The following CC2D2A variants were observed in gnomAD, a reference collection of about 807,000 sequenced individuals.
The protein encoded by CC2D2A is coiled-coil and C2 domain-containing protein 2A.
A neutral mutation model predicts 212.9 loss-of-function variants in CC2D2A; 155 were observed. The observed-to-expected ratio is 0.73, with a 90% confidence interval of 0.64 to 0.83. The LOEUF is 0.83. CC2D2A is among the 40% of genes least tolerant of loss of function. The pLI is 0.00. For missense variants in CC2D2A, 1,856 were observed against 1,956.2 expected (o/e 0.95, Z 0.97); for synonymous variants, 667 against 686.5 (o/e 0.97, Z 0.44).
At chr4:15,487,858 T>G (rs1715089467) in intron 4 of CC2D2A, among the ~76,000 whole-genome samples, 1 of 151,572 alleles carries the variant, frequency 6.6e-6, no homozygotes, top group Admixed American at 6.6e-5. Context: ...AAATAACATC[T>G]TATAACCAGT....
chr4:15,523,709 C>T (rs1229578308), intron 11 of CC2D2A, among the ~76,000 whole-genome samples: 2 of 152,190 alleles, frequency 1.3e-5, no homozygotes, highest in East Asian at 1.9e-4. Flanking sequence ...GGATTTGATG[C>T]CGGCAGGCCT....
At chr4:15,579,921 C>T in intron 29 of CC2D2A, 47 bp from the exon 30 acceptor site, 1 of 1,474,056 alleles carries the variant, frequency 6.8e-7, no homozygotes, top group South Asian at 1.1e-5. Flanking sequence ...CACGTACTTT[C>T]TCTCTTGTAA....
intron 11 of CC2D2A, among the ~76,000 whole-genome samples, chr4:15,524,658 A>G (rs1055555674): frequency 6.2e-5 from 9 of 144,460 alleles, no homozygotes; most frequent in South Asian, 2.2e-4. Flanking sequence ...TCACCGTGTT[A>G]GCCAGGATGG....
At chr4:15,500,936 C>G (rs1045976779) in intron 4 of CC2D2A, among the ~76,000 whole-genome samples, 1 of 152,132 alleles carries the variant, frequency 6.6e-6, no homozygotes, top group Non-Finnish European at 1.5e-5. Context: ...TGGCCCCTCT[C>G]CCAGAGCTTG....
At chr4:15,490,941 A>G (rs1404568550) in intron 4 of CC2D2A, among the ~76,000 whole-genome samples, 3 of 151,046 alleles carry the variant, frequency 2.0e-5, no homozygotes, top group East Asian at 3.9e-4. Flanking sequence ...ATCGATCACG[A>G]CCCCCTCACA....
rs16892135 is a variant in CC2D2A at position 15,540,574 on chromosome 4, A to G, written c.2004-263A>G. ...GGACACAAATGTAAAGCTTGCCTGA[A>G]AAACCTGAGGAGACTGTAGCACAAC... is the stretch of plus-strand genomic sequence containing the variant. On this transcript the variant is annotated intron_variant, in intron 16 of 36. Transcript: ENST00000424120. Among the ~76,000 whole-genome samples, 37,990 of 152,066 alleles carry G rather than the reference A, an allele frequency of 0.25. 5,009 individuals are homozygous for G. Among genetic ancestry groups the G allele is most frequent in the African/African-American group, 0.32 (13,200 of 41,448 alleles).
At chr4:15,553,345 G>A (rs1489934299) in intron 19 of CC2D2A, 40 bp downstream of exon 19, 1 of 1,599,394 alleles carries the variant, frequency 6.3e-7, no homozygotes, top group Non-Finnish European at 8.5e-7. Context: ...CAATGTCAGT[G>A]TTATCATTAA....
intron 19 of CC2D2A, among the ~76,000 whole-genome samples, chr4:15,554,168 G>GT (rs1172749867): frequency 6.6e-6 from 1 of 152,218 alleles, no homozygotes; most frequent in African/African-American, 2.4e-5. Context: ...GCCTTTGAAT[G>GT]TAAGAAGTCT....
intron 11 of CC2D2A, among the ~76,000 whole-genome samples, chr4:15,517,398 C>T (rs1252149423): frequency 1.3e-5 from 2 of 152,160 alleles, no homozygotes; most frequent in African/African-American, 2.4e-5. Context: ...AGGACCACTT[C>T]CCATTTGTTG....
At chr4:15,600,913 A>G (rs202108899) in intron 36 of CC2D2A, among the ~76,000 whole-genome samples, 1 of 147,318 alleles carries the variant, frequency 6.8e-6, no homozygotes. Flanking sequence ...CAAAAAAAAA[A>G]AAAAAAAAGA....
In CC2D2A at chr4:15,512,162, A is replaced by C. The variant is rs1170855729; in HGVS notation, c.717+739A>C. Among the ~76,000 whole-genome samples, 3 of 152,246 alleles carry C rather than the reference A, an allele frequency of 2.0e-5. No homozygotes were observed. In the South Asian group the frequency reaches 6.2e-4, roughly 32 times the overall value. Reference sequence around the variant, plus strand: ...AAAAACAGTATGGTGGTCCTTCAAAAGTTAACCACAGATTTACAATATGAT... The same window carrying C: ...AAAAACAGTATGGTGGTCCTTCAAACGTTAACCACAGATTTACAATATGAT... On this transcript the variant is annotated intron_variant, in intron 8 of 36. Transcript: ENST00000424120.
chr4:15,540,071 A>T (rs1038552545), intron 16 of CC2D2A, among the ~76,000 whole-genome samples: 15 of 152,180 alleles, frequency 9.9e-5, no homozygotes, highest in African/African-American at 3.1e-4. Context: ...AGTGATAAAC[A>T]TTACGTTATG....
intron 4 of CC2D2A, among the ~76,000 whole-genome samples, chr4:15,484,037 C>T (rs1714857392): frequency 6.6e-6 from 1 of 151,796 alleles, no homozygotes; most frequent in South Asian, 2.1e-4. Flanking sequence ...AACACTGCCA[C>T]AGAGTTTATA....
chr4:15,548,571 A>C (rs1718829359), intron 17 of CC2D2A, among the ~76,000 whole-genome samples: 2 of 97,552 alleles, frequency 2.1e-5, no homozygotes, highest in African/African-American at 3.8e-5. Context: ...TAATTCTGGC[A>C]AAAAAAAAAA....
rs573614093 is a variant in CC2D2A, at chr4:15,562,337, A to G, written c.3015-1018A>G. ...TGGCTTTGTTCTTTGGCTGTTTCAC[A>G]CAGCCATTAACATCAGCTTCCAGAT... On this transcript the variant is annotated intron_variant, in intron 23 of 36. Transcript: ENST00000424120. 1.8e-3 allele frequency among the ~76,000 whole-genome samples: 277 copies of G among 152,372 alleles called. 1 individual carries two copies. The highest frequency in any genetic ancestry group is 6.2e-3 in the African/African-American group (258 of 41,588).
Position 15,561,048 on chromosome 4 carries a change from G to A in CC2D2A, c.3014+426G>A, listed in dbSNP as rs546381146. On this transcript the variant is annotated intron_variant, in intron 23 of 36. Coordinates refer to ENST00000424120, the MANE Select transcript of CC2D2A (RefSeq NM_001378615.1). Reference sequence around the variant, plus strand: ...CCACCCACAAGCTTCTGGGGTGGACGAGGAAACCTGGTTGCAGCACCACAG... The same window carrying A: ...CCACCCACAAGCTTCTGGGGTGGACAAGGAAACCTGGTTGCAGCACCACAG... Among the ~76,000 whole-genome samples, 11 of 152,296 alleles carry A rather than the reference G, an allele frequency of 7.2e-5. No homozygotes were observed. The South Asian group carries it at 8.3e-4, about 11-fold the overall frequency.
At chr4:15,571,292 A>G (rs1328457397) in intron 28 of CC2D2A, among the ~76,000 whole-genome samples, 1 of 152,228 alleles carries the variant, frequency 6.6e-6, no homozygotes, top group African/African-American at 2.4e-5. Context: ...GACACGCTTA[A>G]CAAAGACACC....
intron 17 of CC2D2A, among the ~76,000 whole-genome samples, chr4:15,547,629 C>T (rs937032359): frequency 1.3e-5 from 2 of 152,150 alleles, no homozygotes; most frequent in Admixed American, 1.3e-4. Context: ...CCCTCAGCAT[C>T]GTTGAGAGAA....
intron 3 of CC2D2A, chr4:15,479,095 G>A (rs2108970649): frequency 4.0e-6 from 3 of 745,470 alleles, no homozygotes; most frequent in South Asian, 1.5e-5. Context: ...AAAGATGGAA[G>A]GAGCCTGTTT....
Sources: allele counts gnomAD v4.1 joint callset (sites outside exome capture counted in the v4.1 genomes callset), GRCh38; gene constraint gnomAD v4.1.1; transcripts MANE v1.5; gene names NCBI Gene and HGNC (gene_info 2026-07-23, HGNC 2026-07-21).